The following GHR variants were observed in gnomAD, a reference collection of about 807,000 sequenced individuals.
The protein encoded by GHR is growth hormone receptor.
GHR carries 35 observed loss-of-function variants against 67.1 expected under a neutral mutation model. The observed-to-expected ratio is 0.52, with a 90% CI of 0.40 to 0.69. The LOEUF is 0.69. GHR is among the 30% of genes least tolerant of loss of function. The pLI is 0.00. For synonymous variants in GHR, 272 were observed against 269.1 expected (o/e 1.01, Z -0.10); for missense variants, 792 against 764.6 (o/e 1.04, Z -0.42).
At chr5:42,639,544 G>T (rs1754366844) in intron 3 of GHR, among the ~76,000 whole-genome samples, 1 of 151,954 alleles carries the variant, frequency 6.6e-6, no homozygotes, top group African/African-American at 2.4e-5. Flanking sequence ...TTGAATTATT[G>T]TGAAAGCCAA....
chr5:42,479,646 C>T (rs2112144907), intron 1 of GHR, among the ~76,000 whole-genome samples: 1 of 152,290 alleles, frequency 6.6e-6, no homozygotes, highest in African/African-American at 2.4e-5. Context: ...TTATCCATTT[C>T]TTCTAGATTT....
intron 6 of GHR, among the ~76,000 whole-genome samples, chr5:42,709,248 C>T (rs898824402): frequency 6.6e-6 from 1 of 152,166 alleles, no homozygotes; most frequent in Non-Finnish European, 1.5e-5. Flanking sequence ...ATTCTCGTGC[C>T]TCAGACTCCT....
At chr5:42,612,124 A>C (rs1752920938) in intron 2 of GHR, among the ~76,000 whole-genome samples, 1 of 152,128 alleles carries the variant, frequency 6.6e-6, no homozygotes, top group African/African-American at 2.4e-5. Context: ...ACATCCAACA[A>C]ATACTTGTTG....
chr5:42,565,797 A>C (rs1160242021), intron 1 of GHR, 67 bp from the exon 2 acceptor site: 16 of 1,612,840 alleles, frequency 9.9e-6, no homozygotes, highest in Non-Finnish European at 1.4e-5. Flanking sequence ...CAGTCTTTAA[A>C]CAGTATTTCA....
intron 1 of GHR, among the ~76,000 whole-genome samples, chr5:42,436,354 CT>C (rs949808120): frequency 6.6e-6 from 1 of 152,130 alleles, no homozygotes; most frequent in African/African-American, 2.4e-5. Context: ...TCTTGGTGTC[CT>C]TTTTCTAGGT....
chr5:42,481,986 G>GTT (rs1299328510), intron 1 of GHR, among the ~76,000 whole-genome samples: 3 of 151,418 alleles, frequency 2.0e-5, no homozygotes, highest in African/African-American at 7.3e-5. Context: ...CAGTTTTTCT[G>GTT]CTGTTTTTTC....
intron 6 of GHR, among the ~76,000 whole-genome samples, chr5:42,709,628 A>G (rs1277563089): frequency 6.6e-6 from 1 of 152,212 alleles, no homozygotes; most frequent in African/African-American, 2.4e-5. Flanking sequence ...ATGAAAAATA[A>G]TGAGTGATCT....
At chr5:42,623,673 C>A (rs980461161) in intron 2 of GHR, among the ~76,000 whole-genome samples, 3 of 152,182 alleles carry the variant, frequency 2.0e-5, no homozygotes, top group Admixed American at 1.3e-4. Flanking sequence ...TCCTCCAATG[C>A]TTGACCACTC....
intron 6 of GHR, among the ~76,000 whole-genome samples, chr5:42,706,272 C>T (rs1004292353): frequency 6.6e-6 from 1 of 151,784 alleles, no homozygotes; most frequent in African/African-American, 2.4e-5. Flanking sequence ...ATTTAAAGTT[C>T]CTTATAGATT....
At chr5:42,504,352 T>G (rs1746665741) in intron 1 of GHR, among the ~76,000 whole-genome samples, 1 of 152,114 alleles carries the variant, frequency 6.6e-6, no homozygotes. Flanking sequence ...AAGCAGGAAA[T>G]GCAGAAGAGT....
At chr5:42,675,524 C>T (rs951388820) in intron 3 of GHR, among the ~76,000 whole-genome samples, 2 of 152,052 alleles carry the variant, frequency 1.3e-5, no homozygotes, top group African/African-American at 4.8e-5. Flanking sequence ...ATTTGAAAGG[C>T]AATAAACTAA....
intron 1 of GHR, among the ~76,000 whole-genome samples, chr5:42,476,960 C>G (rs951173979): frequency 6.6e-6 from 1 of 151,968 alleles, no homozygotes; most frequent in Non-Finnish European, 1.5e-5. Flanking sequence ...TATACATGTG[C>G]CATGTTGGTG....
chr5:42,552,027 C>T (rs1461085496), intron 1 of GHR, among the ~76,000 whole-genome samples: 1 of 152,196 alleles, frequency 6.6e-6, no homozygotes, highest in East Asian at 1.9e-4. Flanking sequence ...GTCCCTTTGG[C>T]TTCCTGGTAG....
At chr5:42,717,446 A>G (rs772931296) in intron 8 of GHR, among the ~76,000 whole-genome samples, 1 of 152,232 alleles carries the variant, frequency 6.6e-6, no homozygotes, top group Admixed American at 6.5e-5. Context: ...AGAATTGTAT[A>G]TATAAACCCA....
chr5:42,463,630 G>T (rs1159491026), intron 1 of GHR, among the ~76,000 whole-genome samples: 1 of 152,142 alleles, frequency 6.6e-6, no homozygotes, highest in Non-Finnish European at 1.5e-5. Flanking sequence ...CCTCTTTGAA[G>T]GCCTTTTAAT....
At chr5:42,675,753 A>G (rs542097139) in intron 3 of GHR, among the ~76,000 whole-genome samples, 13 of 152,352 alleles carry the variant, frequency 8.5e-5, no homozygotes, top group African/African-American at 3.1e-4. Context: ...TTATCTACTG[A>G]CACTGCTATA....
At chr5:42,617,357 G>T (rs1753206754) in intron 2 of GHR, among the ~76,000 whole-genome samples, 1 of 149,720 alleles carries the variant, frequency 6.7e-6, no homozygotes, top group South Asian at 2.1e-4. Flanking sequence ...CTCTTCAGTG[G>T]CACTAGCTGC....
chr5:42,566,012 C>T (rs1399302209), intron 2 of GHR, 68 bp downstream of exon 2: 4 of 1,561,784 alleles, frequency 2.6e-6, no homozygotes, highest in Non-Finnish European at 3.5e-6. Flanking sequence ...TCGCTACATC[C>T]AAGTTTTTTG....
chr5:42,595,803 G>C (rs186902403), intron 2 of GHR, among the ~76,000 whole-genome samples: 1 of 152,196 alleles, frequency 6.6e-6, no homozygotes, highest in Non-Finnish European at 1.5e-5. Flanking sequence ...GTGACAGATT[G>C]GCTGTAATAA....
Sources: gnomAD v4.1 joint callset for allele counts (sites outside exome capture counted in the v4.1 genomes callset) on GRCh38, gnomAD v4.1.1 for gene constraint, MANE v1.5 for transcripts, NCBI Gene and HGNC (gene_info 2026-07-23, HGNC 2026-07-21) for gene names.